Variants in SPAG16 observed in about 807,000 individuals in gnomAD.
SPAG16 encodes the protein sperm-associated antigen 16 protein.
In SPAG16, 86 loss-of-function variants were observed where a neutral mutation model predicts 80.4. The ratio of observed to expected loss-of-function variants is 1.07; its 90% CI spans 0.90 to 1.28. The LOEUF (loss-of-function observed/expected upper bound fraction) is 1.28. Among genes scored for constraint, SPAG16 ranks in the 50% most tolerant of loss-of-function variants. The pLI, the probability that SPAG16 is intolerant of heterozygous loss-of-function variation, is 0.00. For missense variants in SPAG16, 870 were observed against 765.3 expected (o/e 1.14, Z -1.61); for synonymous variants, 294 against 265.9 (o/e 1.11, Z -1.03).
chr2:213,924,233 A>T (rs1041145572), intron 11 of SPAG16, among the ~76,000 whole-genome samples: 38 of 152,148 alleles, frequency 2.5e-4, no homozygotes, highest in African/African-American at 7.0e-4. Context: ...CTTGGACTTG[A>T]TAGTTGCCCC....
At chr2:213,629,320 G>C (rs1030689077) in intron 10 of SPAG16, among the ~76,000 whole-genome samples, 1 of 152,148 alleles carries the variant, frequency 6.6e-6, no homozygotes, top group African/African-American at 2.4e-5. Context: ...GACTACACGT[G>C]TTACCAACCC....
chr2:213,440,218 C>T (rs917390448), intron 9 of SPAG16, among the ~76,000 whole-genome samples: 6 of 152,018 alleles, frequency 3.9e-5, no homozygotes, highest in African/African-American at 1.5e-4. Context: ...TTTCTCTATC[C>T]GATATCACTT....
chr2:213,968,195 T>C (rs2106371502), intron 12 of SPAG16, among the ~76,000 whole-genome samples: 1 of 151,662 alleles, frequency 6.6e-6, no homozygotes, highest in Non-Finnish European at 1.5e-5. Context: ...TTTCCTTTCC[T>C]CCAGAGTCTC....
intron 1 of SPAG16, among the ~76,000 whole-genome samples, chr2:213,287,220 T>TAA: frequency 6.6e-6 from 1 of 152,332 alleles, no homozygotes; most frequent in South Asian, 2.1e-4. Flanking sequence ...GATAGATATG[T>TAA]AAAGGGTCAA....
At chr2:213,285,864 G>A in intron 1 of SPAG16, 2 of 1,287,404 alleles carry the variant, frequency 1.6e-6, no homozygotes, top group Middle Eastern at 2.1e-4. Context: ...CTTTAACAAC[G>A]ATTTTCATAA....
chr2:214,015,848 T>C (rs2047566574), intron 13 of SPAG16, among the ~76,000 whole-genome samples: 1 of 151,974 alleles, frequency 6.6e-6, no homozygotes, highest in Non-Finnish European at 1.5e-5. Flanking sequence ...ATGATTTTGA[T>C]AAGGAAGTAA....
intron 9 of SPAG16, among the ~76,000 whole-genome samples, chr2:213,468,386 G>T (rs11490586): frequency 1.5e-4 from 20 of 135,710 alleles, no homozygotes; most frequent in African/African-American, 4.5e-4. Flanking sequence ...TATATATATA[G>T]ATATATATAT....
intron 15 of SPAG16, among the ~76,000 whole-genome samples, chr2:214,309,329 G>A (rs1346837344): frequency 1.3e-5 from 2 of 152,044 alleles, no homozygotes; most frequent in Non-Finnish European, 2.9e-5. Context: ...GGGTTACAAT[G>A]TACTCCTATA....
intron 15 of SPAG16, among the ~76,000 whole-genome samples, chr2:214,250,535 G>C (rs1365901671): frequency 1.3e-5 from 2 of 149,636 alleles, no homozygotes; most frequent in African/African-American, 4.9e-5. Flanking sequence ...CAAGTTAAAA[G>C]CTTTCTAATT....
At chr2:213,584,928 C>T (rs2060415569) in intron 10 of SPAG16, among the ~76,000 whole-genome samples, 1 of 152,144 alleles carries the variant, frequency 6.6e-6, no homozygotes, top group South Asian at 2.1e-4. Flanking sequence ...GTGGCTCACG[C>T]CAGTAATCCT....
intron 15 of SPAG16, among the ~76,000 whole-genome samples, chr2:214,229,872 A>G (rs1243891090): frequency 2.6e-5 from 4 of 151,934 alleles, no homozygotes; most frequent in Non-Finnish European, 5.9e-5. Flanking sequence ...AAATTAATGA[A>G]AATATATTAT....
intron 10 of SPAG16, among the ~76,000 whole-genome samples, chr2:213,749,197 C>G (rs897264387): frequency 1.3e-5 from 2 of 151,950 alleles, no homozygotes; most frequent in African/African-American, 2.4e-5. Context: ...CTCAGAAAAA[C>G]TTTATTTGCT....
At chr2:213,610,510 A>G (rs572561444) in intron 10 of SPAG16, among the ~76,000 whole-genome samples, 45 of 152,218 alleles carry the variant, frequency 3.0e-4, no homozygotes, top group African/African-American at 1.1e-3. Context: ...CCTTTTTATC[A>G]CCATAACCTG....
At chr2:214,001,210 T>C (rs925922185) in intron 12 of SPAG16, among the ~76,000 whole-genome samples, 1 of 152,256 alleles carries the variant, frequency 6.6e-6, no homozygotes, top group East Asian at 1.9e-4. Flanking sequence ...ACAATGAAGT[T>C]ATTCCCAAGC....
chr2:213,668,034 G>A (rs1438749580), intron 10 of SPAG16, among the ~76,000 whole-genome samples: 1 of 151,986 alleles, frequency 6.6e-6, no homozygotes, highest in African/African-American at 2.4e-5. Flanking sequence ...TCCGCCTCCT[G>A]AGTTCGAGCA....
At chr2:214,299,051 C>A (rs1694355104) in intron 15 of SPAG16, among the ~76,000 whole-genome samples, 1 of 151,912 alleles carries the variant, frequency 6.6e-6, no homozygotes, top group Non-Finnish European at 1.5e-5. Context: ...ACTTTAAGAC[C>A]CCTTGTAAAG....
rs71060428 is a variant in SPAG16, at chr2:213,387,431, C to CTT, written c.942+12340_942+12341dup. 7.9e-4 allele frequency among the ~76,000 whole-genome samples: 38 copies of CTT among 47,910 alleles called. 7 individuals carry two copies. Among genetic ancestry groups the CTT allele is most frequent in the African/African-American group, 2.5e-3 (22 of 8,766 alleles). 31.4% of individuals were successfully genotyped at this position (47,910 alleles called of 152,430 possible). A position where few individuals can be genotyped will look rare whatever the true frequency, so the allele number is the denominator to read the frequency against. On this transcript the variant is annotated intron_variant, in intron 9 of 15. Coordinates refer to ENST00000331683, the MANE Select transcript of SPAG16 (RefSeq NM_024532.5). ...TTTGGGTTGGAATGAAATGCATGCT[C>CTT]TTTTTTTTTTTTTTTTTTTTTTTTT...
chr2:214,117,640 C>T (rs1433799547), intron 14 of SPAG16, among the ~76,000 whole-genome samples: 6 of 152,014 alleles, frequency 3.9e-5, no homozygotes, highest in Admixed American at 2.6e-4. Flanking sequence ...AACAGCACAT[C>T]GAAAAGATCA....
At chr2:214,149,711 G>A (rs2055882005) in intron 15 of SPAG16, among the ~76,000 whole-genome samples, 1 of 151,996 alleles carries the variant, frequency 6.6e-6, no homozygotes, top group Non-Finnish European at 1.5e-5. Context: ...ATTGTGTAGA[G>A]TTTACAACTA....
Sources: allele counts gnomAD v4.1 joint callset (sites outside exome capture counted in the v4.1 genomes callset), GRCh38; gene constraint gnomAD v4.1.1; transcripts MANE v1.5; gene names NCBI Gene and HGNC (gene_info 2026-07-23, HGNC 2026-07-21).